KLHL1: variants seen among roughly 807,000 people sequenced by gnomAD.
KLHL1 encodes kelch like family member 1.
A neutral mutation model predicts 77.7 loss-of-function variants in KLHL1; 47 were observed. The ratio of observed to expected loss-of-function variants is 0.60; its 90% confidence interval spans 0.48 to 0.77. The LOEUF is 0.77. Among genes scored for constraint, KLHL1 ranks in the 30% least tolerant of loss-of-function variants. The pLI is 0.00. For missense variants in KLHL1, 925 were observed against 910.8 expected (o/e 1.02, Z -0.20); for synonymous variants, 360 against 325.2 (o/e 1.11, Z -1.15).
intron 1 of KLHL1, among the ~76,000 whole-genome samples, chr13:70,034,747 T>G (rs183167581): frequency 5.0e-3 from 762 of 152,292 alleles, no homozygotes; most frequent in Non-Finnish European, 7.7e-3. Context: ...CGTTCTTTTC[T>G]CCAGACATAC....
At chr13:69,834,889 T>A (rs962474547) in intron 6 of KLHL1, among the ~76,000 whole-genome samples, 1 of 152,114 alleles carries the variant, frequency 6.6e-6, no homozygotes, top group South Asian at 2.1e-4. Context: ...AAGTGTGGGA[T>A]TTGGTCAAAT....
chr13:69,777,767 C>T (rs9564609), intron 7 of KLHL1, among the ~76,000 whole-genome samples: 35,796 of 151,996 alleles, frequency 0.24, 4,280 homozygotes, highest in South Asian at 0.31. Flanking sequence ...CACCCTTACT[C>T]ATTGTATGTA....
chr13:69,754,576 G>T (rs148471010), intron 7 of KLHL1, among the ~76,000 whole-genome samples: 1 of 151,810 alleles, frequency 6.6e-6, no homozygotes, highest in South Asian at 2.1e-4. Flanking sequence ...TAAGAACAGG[G>T]CCTGTGTTTT....
intron 1 of KLHL1, among the ~76,000 whole-genome samples, chr13:70,006,214 A>G (rs1885401041): frequency 6.6e-6 from 1 of 152,028 alleles, no homozygotes; most frequent in South Asian, 2.1e-4. Flanking sequence ...TTAAGGCCGA[A>G]TAATATTCTG....
chr13:69,994,968 A>C (rs1566482478), intron 1 of KLHL1, among the ~76,000 whole-genome samples: 1 of 152,118 alleles, frequency 6.6e-6, no homozygotes, highest in Admixed American at 6.6e-5. Context: ...GACACTAGTG[A>C]ATTGAGCTCT....
chr13:69,724,644 C>T (rs2137903394), intron 8 of KLHL1, among the ~76,000 whole-genome samples: 1 of 151,998 alleles, frequency 6.6e-6, no homozygotes, highest in South Asian at 2.1e-4. Context: ...GTACATAAAC[C>T]ATGACCAAAT....
chr13:69,915,795 A>G (rs1434195672), intron 4 of KLHL1, among the ~76,000 whole-genome samples: 7 of 152,068 alleles, frequency 4.6e-5, no homozygotes, highest in Admixed American at 2.0e-4. Flanking sequence ...CTACCATCAG[A>G]GTGAAAAGGC....
chr13:69,792,917 C>A (rs1876932652), intron 7 of KLHL1, among the ~76,000 whole-genome samples: 2 of 152,042 alleles, frequency 1.3e-5, no homozygotes, highest in Admixed American at 6.6e-5. Context: ...TATAGGATTT[C>A]TTTTCAGGAT....
intron 3 of KLHL1, among the ~76,000 whole-genome samples, chr13:69,952,489 T>C (rs1001798985): frequency 6.6e-6 from 1 of 151,382 alleles, no homozygotes; most frequent in Non-Finnish European, 1.5e-5. Flanking sequence ...GTAGGACAGG[T>C]TCATCAGACT....
At chr13:69,743,565 A>G (rs1018213519) in intron 7 of KLHL1, among the ~76,000 whole-genome samples, 1 of 152,156 alleles carries the variant, frequency 6.6e-6, no homozygotes, top group Non-Finnish European at 1.5e-5. Context: ...TGGGCAAATC[A>G]CTTGAGGCCA....
chr13:70,030,494 C>A (rs1318666134), intron 1 of KLHL1, among the ~76,000 whole-genome samples: 1 of 152,204 alleles, frequency 6.6e-6, no homozygotes, highest in African/African-American at 2.4e-5. Context: ...TGAATGACTA[C>A]AAGGTACATA....
chr13:69,982,557 G>C (rs367929072), intron 1 of KLHL1, among the ~76,000 whole-genome samples: 1 of 150,320 alleles, frequency 6.7e-6, no homozygotes, highest in Non-Finnish European at 1.5e-5. Flanking sequence ...AAGAGAGAAC[G>C]AAAGTAAGAA....
chr13:69,824,014 G>A (rs1239131975), intron 6 of KLHL1, among the ~76,000 whole-genome samples: 4 of 151,836 alleles, frequency 2.6e-5, no homozygotes, highest in African/African-American at 9.7e-5. Context: ...ATATATATAT[G>A]TATATAATAG....
intron 2 of KLHL1, among the ~76,000 whole-genome samples, chr13:69,970,385 AT>A (rs1884348340): frequency 6.6e-6 from 1 of 152,060 alleles, no homozygotes; most frequent in African/African-American, 2.4e-5. Context: ...TGAAAGTATC[AT>A]TGTGTTTCTT....
chr13:69,824,560 TATTA>T (rs1331461444), intron 6 of KLHL1, among the ~76,000 whole-genome samples: 2 of 152,250 alleles, frequency 1.3e-5, no homozygotes, highest in African/African-American at 4.8e-5. Context: ...AACAGATTAC[TATTA>T]ATTAATTAAA....
At chr13:70,097,457 T>C (rs1208450912) in intron 1 of KLHL1, among the ~76,000 whole-genome samples, 2 of 152,002 alleles carry the variant, frequency 1.3e-5, no homozygotes, top group African/African-American at 4.8e-5. Flanking sequence ...TAACATCACC[T>C]AATCTGAATG....
At chr13:69,762,986 T>TCTTA (rs2137968100) in intron 7 of KLHL1, among the ~76,000 whole-genome samples, 1 of 152,216 alleles carries the variant, frequency 6.6e-6, no homozygotes, top group East Asian at 1.9e-4. Context: ...CCTCTTAACC[T>TCTTA]ACATCATAAG....
At position 70,002,365 on chromosome 13, in the gene KLHL1, A is replaced by G. The variant is rs2501243; in HGVS notation, c.498-26563T>C. ...ATGAATAGATTAGGAAAATAAAATCAATTGGATTGGTTGGAGTTGGCAGAA... is the reference window on the plus strand; with the variant it reads ...ATGAATAGATTAGGAAAATAAAATCGATTGGATTGGTTGGAGTTGGCAGAA... On this transcript the variant is annotated intron_variant, in intron 1 of 10. Transcript: ENST00000377844. Among the ~76,000 whole-genome samples the G allele has an allele frequency of 9.8e-3, 1,484 of 151,600 alleles. 25 individuals are homozygous for G. The highest frequency in any genetic ancestry group is 0.034 in the African/African-American group (1,400 of 41,476).
At chr13:69,783,425 G>C (rs1593827165) in intron 7 of KLHL1, among the ~76,000 whole-genome samples, 1 of 152,158 alleles carries the variant, frequency 6.6e-6, no homozygotes, top group East Asian at 1.9e-4. Context: ...TAAATACTGT[G>C]AACAAAAAAT....
Sources: allele counts gnomAD v4.1 joint callset (sites outside exome capture counted in the v4.1 genomes callset), GRCh38; gene constraint gnomAD v4.1.1; transcripts MANE v1.5; gene names NCBI Gene and HGNC (gene_info 2026-07-23, HGNC 2026-07-21).